The following RNFT2 variants were observed in gnomAD, a reference collection of about 807,000 sequenced individuals.
The protein encoded by RNFT2 is ring finger protein, transmembrane 2, also known as E3 ubiquitin-protein ligase RNFT2.
In RNFT2, 36 loss-of-function variants were observed where a neutral mutation model predicts 53.0. The ratio of observed to expected loss-of-function variants is 0.68; its 90% confidence interval spans 0.52 to 0.90. The LOEUF (loss-of-function observed/expected upper bound fraction) is 0.90. Among genes scored for constraint, RNFT2 ranks in the 40% least tolerant of loss-of-function variants. RNFT2 has a pLI of 0.00. For synonymous variants in RNFT2, 260 were observed against 253.2 expected (o/e 1.03, Z -0.26); for missense variants, 514 against 585.6 (o/e 0.88, Z 1.26).
At chr12:116,848,277 T>C (rs544136009) in intron 10 of RNFT2, among the ~76,000 whole-genome samples, 11 of 152,352 alleles carry the variant, frequency 7.2e-5, no homozygotes, top group African/African-American at 2.6e-4. Flanking sequence ...TCCATGTCTT[T>C]GCTATTGTGA....
intron 7 of RNFT2, among the ~76,000 whole-genome samples, chr12:116,805,589 C>G (rs1442396701): frequency 6.6e-6 from 1 of 152,166 alleles, no homozygotes; most frequent in African/African-American, 2.4e-5. Flanking sequence ...AGTCTCGTGC[C>G]TCAGCCTCCT....
rs537018515 is a variant in RNFT2 at position 116,839,118 on chromosome 12, C to G, written c.1200+2836C>G. Among the ~76,000 whole-genome samples the G allele has an allele frequency of 2.0e-5, 3 of 152,348 alleles. No individual in the cohort carries two copies. In the South Asian group the frequency reaches 6.2e-4, roughly 32 times the overall value. On this transcript the variant is annotated intron_variant, in intron 10 of 10. Transcript: ENST00000257575. ...AGTCACGTCCCTGGCTATATGGTCT[C>G]ATAGATGCCTGTGTTTTTCCTACTT...
rs868599770 is a variant in RNFT2 at position 116,740,216 on chromosome 12, C to G, written c.-153-129C>G. ...AAAAAGGAGTTTCAAGGGGGGATCA[C>G]TGAGAGGCTACCCAGAGATACTGAG... On this transcript the variant is annotated intron_variant, in intron 1 of 10. Transcript: ENST00000257575. 22 of 323,566 alleles carry G rather than the reference C, an allele frequency of 6.8e-5. 1 individual carries two copies. The South Asian group carries it at 1.0e-3, about 15-fold the overall frequency. The allele number at this position is 323,566 out of a possible 1,614,324, so 20.0% of individuals were successfully genotyped here.
At chr12:116,802,990 G>T (rs572064393) in intron 7 of RNFT2, among the ~76,000 whole-genome samples, 19 of 152,206 alleles carry the variant, frequency 1.2e-4, no homozygotes, top group South Asian at 1.0e-3. Flanking sequence ...AGCTACTCAG[G>T]AGGCTGAGGT....
intron 3 of RNFT2, 89 bp downstream of exon 3, chr12:116,741,183 C>T: frequency 1.0e-6 from 1 of 990,988 alleles, no homozygotes; most frequent in African/African-American, 1.6e-5. Context: ...ATACCTCACC[C>T]TCAGCGTTAG....
chr12:116,750,342 G>A (rs766716752), intron 4 of RNFT2, 35 bp downstream of exon 4: 2 of 1,560,242 alleles, frequency 1.3e-6, no homozygotes, highest in Non-Finnish European at 1.7e-6. Context: ...CTAGCCATGG[G>A]CTTCACAGGC....
intron 5 of RNFT2, among the ~76,000 whole-genome samples, chr12:116,758,253 T>A (rs554338887): frequency 6.6e-6 from 1 of 152,284 alleles, no homozygotes; most frequent in Non-Finnish European, 1.5e-5. Flanking sequence ...AGATGGTTGG[T>A]TGGTGAGTTC....
intron 7 of RNFT2, among the ~76,000 whole-genome samples, chr12:116,797,224 C>T (rs149110288): frequency 8.7e-4 from 133 of 152,260 alleles, no homozygotes; most frequent in African/African-American, 3.0e-3. Context: ...TGTTGGAGTC[C>T]AAACCCCAGG....
intron 10 of RNFT2, among the ~76,000 whole-genome samples, chr12:116,845,226 A>T (rs1877540756): frequency 7.2e-6 from 1 of 138,276 alleles, no homozygotes; most frequent in South Asian, 2.4e-4. Context: ...CCTGGATGAC[A>T]GAGCAAGACC....
intron 4 of RNFT2, among the ~76,000 whole-genome samples, chr12:116,750,946 C>A (rs1872225152): frequency 7.0e-6 from 1 of 142,458 alleles, no homozygotes; most frequent in Admixed American, 7.3e-5. Flanking sequence ...TTCAGCCAGG[C>A]TGGAGCGCAG....
intron 4 of RNFT2, among the ~76,000 whole-genome samples, chr12:116,750,901 TATATA>T (rs1566069603): frequency 0.23 from 3,503 of 14,962 alleles, 247 homozygotes; most frequent in African/African-American, 0.27. Context: ...AATATATATA[TATATA>T]TATTTTTTTT....
chr12:116,829,345 C>G (rs1039458013), intron 7 of RNFT2, among the ~76,000 whole-genome samples: 1 of 152,128 alleles, frequency 6.6e-6, no homozygotes, highest in African/African-American at 2.4e-5. Flanking sequence ...AGTCACCCCC[C>G]ATCTTCCCAA....
At chr12:116,805,762 C>T (rs1181224776) in intron 7 of RNFT2, among the ~76,000 whole-genome samples, 3 of 152,232 alleles carry the variant, frequency 2.0e-5, no homozygotes, top group East Asian at 1.9e-4. Flanking sequence ...GCGTGAGCCA[C>T]GGTGCCCAGC....
chr12:116,787,533 CCAT>C (rs1336102937), intron 7 of RNFT2, among the ~76,000 whole-genome samples: 2 of 151,950 alleles, frequency 1.3e-5, no homozygotes, highest in Admixed American at 6.6e-5. Flanking sequence ...CAGCAAGATG[CCAT>C]CTTTATAATA....
In RNFT2 at chr12:116,821,930, GT is replaced by G. The variant is rs1282759748; in HGVS notation, c.883-11860del. Reference sequence around the variant, plus strand: ...GCCCACTGCAGCCTCTGCCTCCCGGGTTCAAGCCATTCTCCTGCCTCAGCCT... The same window carrying G: ...GCCCACTGCAGCCTCTGCCTCCCGGGTCAAGCCATTCTCCTGCCTCAGCCT... On this transcript the variant is annotated intron_variant, in intron 7 of 10. Transcript: ENST00000257575. Among the ~76,000 whole-genome samples, 8 of 145,264 alleles carry G rather than the reference GT, an allele frequency of 5.5e-5. No individual in the cohort carries two copies. In the East Asian group the frequency reaches 1.7e-3, roughly 31 times the overall value.
chr12:116,820,400 CT>C (rs1195668034), intron 7 of RNFT2, among the ~76,000 whole-genome samples: 4 of 152,218 alleles, frequency 2.6e-5, no homozygotes, highest in African/African-American at 9.6e-5. Flanking sequence ...GTATTTTAGA[CT>C]TTCAGTACAT....
chr12:116,837,162 C>T (rs1877018658), intron 10 of RNFT2, among the ~76,000 whole-genome samples: 1 of 152,044 alleles, frequency 6.6e-6, no homozygotes, highest in South Asian at 2.1e-4. Context: ...ATGCATCCCT[C>T]CTCCTCCTCC....
At position 116,841,820 on chromosome 12, in the gene RNFT2, AAT is replaced by A. The variant is rs1388884282; in HGVS notation, c.1200+5550_1200+5551del. ...ATATATATATAAATATATATATAAA[AAT>A]ATATATATATAAATATATATATAAA... is the stretch of plus-strand genomic sequence containing the variant. On this transcript the variant is annotated intron_variant, in intron 10 of 10. Transcript: ENST00000257575. Among the ~76,000 whole-genome samples the A allele has an allele frequency of 4.2e-3, 177 of 42,522 alleles. 7 individuals are homozygous for A. The highest frequency in any genetic ancestry group is 0.013 in the South Asian group (23 of 1,762). The allele number at this position is 42,522 out of a possible 152,430, so 27.9% of individuals were successfully genotyped here.
chr12:116,758,868 G>A (rs141891522), intron 5 of RNFT2, among the ~76,000 whole-genome samples: 128 of 152,236 alleles, frequency 8.4e-4, no homozygotes, highest in Middle Eastern at 3.4e-3. Context: ...TGAATTTCCC[G>A]GGTGTTCTTT....
Sources: gnomAD v4.1 joint callset for allele counts (sites outside exome capture counted in the v4.1 genomes callset) on GRCh38, gnomAD v4.1.1 for gene constraint, MANE v1.5 for transcripts, NCBI Gene and HGNC (gene_info 2026-07-23, HGNC 2026-07-21) for gene names.